ERI3: variants seen among roughly 807,000 people sequenced by gnomAD.
ERI3 encodes ERI1 exoribonuclease family member 3, also known as ERI1 exoribonuclease 3.
In ERI3, 18 loss-of-function variants were observed where a neutral mutation model predicts 44.4. That is an observed-to-expected ratio of 0.41 (90% CI 0.28 to 0.60). The LOEUF (loss-of-function observed/expected upper bound fraction) is 0.60, where lower values mean the gene tolerates loss of function less well. Among genes scored for constraint, ERI3 ranks in the 20% least tolerant of loss-of-function variants. The pLI is 0.36. For missense variants in ERI3, 294 were observed against 435.5 expected, an observed-to-expected ratio of 0.68 and a Z score of 2.89; for synonymous variants, 183 against 164.8, an observed-to-expected ratio of 1.11 and a Z score of -0.84.
At chr1:44,227,753 C>A (rs11210976) in intron 8 of ERI3, among the ~76,000 whole-genome samples, 8,612 of 152,102 alleles carry the variant, frequency 0.057, 350 homozygotes, top group Middle Eastern at 0.11. Context: ...CAGCAGATGG[C>A]CCCAGTATAT....
chr1:44,308,455 G>C (rs1645886863), intron 5 of ERI3, 54 bp from the exon 6 acceptor site: 1 of 1,411,076 alleles, frequency 7.1e-7, no homozygotes, highest in African/African-American at 1.4e-5. Flanking sequence ...CTGAGCCTGT[G>C]AAGAGCCACA....
intron 8 of ERI3, among the ~76,000 whole-genome samples, chr1:44,245,434 C>T (rs903420742): frequency 6.6e-6 from 1 of 152,220 alleles, no homozygotes; most frequent in Non-Finnish European, 1.5e-5. Flanking sequence ...GGAGCCCCTT[C>T]AGCCCCATGG....
intron 8 of ERI3, among the ~76,000 whole-genome samples, chr1:44,224,722 A>G (rs886501037): frequency 2.0e-5 from 3 of 152,328 alleles, no homozygotes; most frequent in African/African-American, 7.2e-5. Context: ...CAGCAGACTT[A>G]GTGAAACCAA....
chr1:44,308,615 T>C (rs3853366), intron 5 of ERI3, among the ~76,000 whole-genome samples: 11,379 of 152,128 alleles, frequency 0.075, 1,328 homozygotes, highest in African/African-American at 0.25. Flanking sequence ...GCAGCCCGAA[T>C]GTGTAGCCGG....
At position 44,221,373 on chromosome 1, in the gene ERI3, G is replaced by A. The variant is rs1643895273; in HGVS notation, c.*185C>T. On this transcript the variant is annotated 3_prime_UTR_variant, in exon 9 of 9. Transcript: ENST00000372257. The surrounding 1 kb of genome is among the most constrained non-coding windows in gnomAD (Gnocchi z 5.9). Reference sequence around the variant, plus strand: ...GGGGCACAAAGTGTCTGCTCCAGAAGGGCCAAGTGGCCAAGCCCTTGCAAG... The same window carrying A: ...GGGGCACAAAGTGTCTGCTCCAGAAAGGCCAAGTGGCCAAGCCCTTGCAAG... 1.7e-6 allele frequency: 1 copy of A among 584,690 alleles called. No homozygotes were observed. Among genetic ancestry groups the A allele is most frequent in the Non-Finnish European group, 3.0e-6 (1 of 328,440 alleles). 36.2% of individuals were successfully genotyped at this position (584,690 alleles called of 1,614,324 possible). A position where few individuals can be genotyped will look rare whatever the true frequency, so the allele number is the denominator to read the frequency against.
chr1:44,349,001 C>T (rs1646838996), intron 2 of ERI3, among the ~76,000 whole-genome samples: 2 of 152,216 alleles, frequency 1.3e-5, no homozygotes, highest in South Asian at 4.1e-4. Flanking sequence ...GATGTAAGGC[C>T]ACAGGGTATC....
At chr1:44,350,701 C>G (rs907150286) in intron 2 of ERI3, among the ~76,000 whole-genome samples, 1 of 152,158 alleles carries the variant, frequency 6.6e-6, no homozygotes, top group African/African-American at 2.4e-5. Flanking sequence ...GTTATATATG[C>G]AAAGATTCAG....
intron 7 of ERI3, among the ~76,000 whole-genome samples, chr1:44,284,462 C>G (rs1382701273): frequency 6.6e-6 from 1 of 152,174 alleles, no homozygotes; most frequent in Non-Finnish European, 1.5e-5. Context: ...ATGATGATAA[C>G]AAAGGAGAAT....
chr1:44,329,378 C>A (rs1425528002), intron 3 of ERI3, among the ~76,000 whole-genome samples: 1 of 152,174 alleles, frequency 6.6e-6, no homozygotes, highest in Non-Finnish European at 1.5e-5. Context: ...CAGGTCTGCC[C>A]CCGACATTGT....
At chr1:44,254,433 T>C (rs903981153) in intron 7 of ERI3, among the ~76,000 whole-genome samples, 1 of 152,130 alleles carries the variant, frequency 6.6e-6, no homozygotes, top group Non-Finnish European at 1.5e-5. Flanking sequence ...CTTTTCGGGC[T>C]TCAGTACTTT....
chr1:44,280,573 A>G (rs1645265483), intron 7 of ERI3, among the ~76,000 whole-genome samples: 1 of 152,194 alleles, frequency 6.6e-6, no homozygotes, highest in African/African-American at 2.4e-5. Flanking sequence ...TATTCAATCA[A>G]CAGGGGCTGG....
At chr1:44,342,822 T>TATATATATATATATATATATAA (rs1646685841) in intron 2 of ERI3, among the ~76,000 whole-genome samples, 2 of 12,984 alleles carry the variant, frequency 1.5e-4, no homozygotes, top group African/African-American at 6.3e-4. Flanking sequence ...AATATATATA[T>TATATATATATATATATATATAA]ATATATATAT....
chr1:44,266,805 G>T (rs1179932137), intron 7 of ERI3, among the ~76,000 whole-genome samples: 2 of 152,208 alleles, frequency 1.3e-5, no homozygotes, highest in South Asian at 4.1e-4. Context: ...CAAGGGGAGG[G>T]TCCCCGTCTG....
chr1:44,307,259 G>C (rs992679547), intron 6 of ERI3, among the ~76,000 whole-genome samples: 3 of 152,066 alleles, frequency 2.0e-5, no homozygotes, highest in Non-Finnish European at 4.4e-5. Context: ...ACCCACCTGG[G>C]TACATAACTT....
intron 3 of ERI3, among the ~76,000 whole-genome samples, chr1:44,332,579 A>T (rs1411054607): frequency 2.0e-5 from 3 of 152,334 alleles, no homozygotes; most frequent in African/African-American, 2.4e-5. Flanking sequence ...TGCCAAACAC[A>T]CAAGCCAGGG....
intron 4 of ERI3, among the ~76,000 whole-genome samples, chr1:44,317,155 C>CACACAG (rs1376427662): frequency 6.6e-6 from 1 of 152,060 alleles, no homozygotes; most frequent in Non-Finnish European, 1.5e-5. Flanking sequence ...CACACACACA[C>CACACAG]ACACACACAC....
chr1:44,230,346 GA>G (rs2154315847), intron 8 of ERI3: 1 of 152,292 alleles, frequency 6.6e-6, no homozygotes, highest in Non-Finnish European at 1.5e-5. Context: ...GCCACAACTA[GA>G]AGTGCCAGGT....
Position 44,221,741 on chromosome 1 carries a change from G to A in ERI3, c.932-101C>T. ...GGGGTGGGAAGCAGGGTCAGATTCA[G>A]GAGACACAGGCTTTAGAGAGGGTGG... is the stretch of plus-strand genomic sequence containing the variant. On this transcript the variant is annotated intron_variant, in intron 8 of 8. Coordinates refer to ENST00000372257, the MANE Select transcript of ERI3 (RefSeq NM_024066.3). This position sits in a 1 kb window ranked among gnomAD's most constrained non-coding sequence, Gnocchi z 5.9. The A allele has an allele frequency of 2.2e-6, 2 of 917,440 alleles. No homozygotes were observed. Among genetic ancestry groups the A allele is most frequent in the African/African-American group, 1.6e-5 (1 of 61,342 alleles). 56.8% of individuals were successfully genotyped at this position (917,440 alleles called of 1,614,324 possible).
chr1:44,323,858 G>C (rs1030023042), intron 3 of ERI3, among the ~76,000 whole-genome samples: 2 of 152,220 alleles, frequency 1.3e-5, no homozygotes, highest in Non-Finnish European at 2.9e-5. Flanking sequence ...TGAGACTTAA[G>C]AGTAGGACTA....
Sources: allele counts gnomAD v4.1 joint callset (sites outside exome capture counted in the v4.1 genomes callset), GRCh38; gene constraint gnomAD v4.1.1; non-coding constraint Gnocchi (gnomAD v3.1); transcripts MANE v1.5; gene names NCBI Gene and HGNC (gene_info 2026-07-23, HGNC 2026-07-21).